The following DNAH11 variants were observed in gnomAD, a reference collection of about 807,000 sequenced individuals.
DNAH11 encodes dynein axonemal heavy chain 11.
Under a neutral mutation model 526.0 loss-of-function variants are expected in DNAH11, and 442 were observed. The observed-to-expected ratio is 0.84, with a 90% CI of 0.78 to 0.91. The LOEUF is 0.91. Among genes scored for constraint, DNAH11 ranks in the 40% least tolerant of loss-of-function variants. The probability of loss-of-function intolerance (pLI) is 0.00; values close to 1 mark genes in which losing one functional copy is unlikely to be tolerated. For missense variants in DNAH11, 6,989 were observed against 5,448.7 expected (o/e 1.28, Z -8.90); for synonymous variants, 2,461 against 1,935.9 (o/e 1.27, Z -7.12).
chr7:21,680,449 A>G (rs760784867), intron 30 of DNAH11, among the ~76,000 whole-genome samples: 33 of 152,230 alleles, frequency 2.2e-4, no homozygotes, highest in Non-Finnish European at 2.8e-4. Context: ...AACCATACTA[A>G]CAAAATGACC....
At chr7:21,626,418 A>G (rs1428785872) in intron 25 of DNAH11, among the ~76,000 whole-genome samples, 1 of 152,212 alleles carries the variant, frequency 6.6e-6, no homozygotes, top group Non-Finnish European at 1.5e-5. Context: ...TGCAAAAAAC[A>G]TGGAAGTGCA....
At chr7:21,658,754 C>A in intron 29 of DNAH11, 44 bp from the exon 30 acceptor site, 1 of 1,457,962 alleles carries the variant, frequency 6.9e-7, no homozygotes, top group Non-Finnish European at 9.2e-7. Context: ...AATTATCCTT[C>A]CATAGTTAAG....
At chr7:21,657,142 C>T (rs1159200188) in intron 29 of DNAH11, among the ~76,000 whole-genome samples, 1 of 152,074 alleles carries the variant, frequency 6.6e-6, no homozygotes, top group Non-Finnish European at 1.5e-5. Context: ...CCTCTAATTG[C>T]CTTTGTTTTA....
intron 45 of DNAH11, among the ~76,000 whole-genome samples, chr7:21,734,658 C>T (rs1785526403): frequency 1.3e-5 from 2 of 152,062 alleles, no homozygotes; most frequent in Non-Finnish European, 1.5e-5. Context: ...GAGTTTGAGA[C>T]GAGTCTGGGC....
intron 25 of DNAH11, among the ~76,000 whole-genome samples, chr7:21,634,003 A>G (rs1191417898): frequency 2.6e-5 from 4 of 152,264 alleles, no homozygotes; most frequent in Non-Finnish European, 4.4e-5. Context: ...CACATGATAC[A>G]TGGTCTTGAA....
chr7:21,706,736 G>A lies in DNAH11; in HGVS notation c.6547-963G>A, dbSNP rs764374746. 5.9e-5 allele frequency among the ~76,000 whole-genome samples: 9 copies of A among 152,160 alleles called. No individual in the cohort carries two copies. Among genetic ancestry groups the A allele is most frequent in the Non-Finnish European group, 1.3e-4 (9 of 68,038 alleles). ...GAGATACCCGGAACACTGCAGCTCA[G>A]GGTGACGTTCTTTAGCATCTTATCA... is the stretch of plus-strand genomic sequence containing the variant. On this transcript the variant is annotated intron_variant, in intron 39 of 81. Coordinates refer to ENST00000409508, the MANE Select transcript of DNAH11 (RefSeq NM_001277115.2).
chr7:21,570,031 C>T (rs964799115), intron 6 of DNAH11, 38 bp from the exon 7 acceptor site: 2 of 1,454,284 alleles, frequency 1.4e-6, no homozygotes, highest in African/African-American at 2.9e-5. Context: ...AACTGTTAAA[C>T]ATAGTTTTGA....
rs769226960 is a variant in DNAH11 at position 21,687,221 on chromosome 7, A to C, written c.5744A>C (p.Tyr1915Ser). ...GGACGTGCCCTTGGCATGATGGTCTATGTATTCAACTGTTCAGAGCAAATG... is the reference window on the plus strand; with the variant it reads ...GGACGTGCCCTTGGCATGATGGTCTCTGTATTCAACTGTTCAGAGCAAATG... ...DLGRALGMMV[Y>S]VFNCSEQMDY... is the part of the protein sequence containing the mutation. Residue 1915 changes from tyrosine to serine, a missense_variant, in exon 33 of 82, where the codon TAT becomes TCT. Tyr to Ser is a moderately radical substitution (Grantham distance 144). Transcript: ENST00000409508. 6.2e-7 allele frequency: 1 copy of C among 1,605,326 alleles called. No individual in the cohort carries two copies. The highest frequency in any genetic ancestry group is 8.5e-7 in the Non-Finnish European group (1 of 1,176,312).
chr7:21,746,536 G>A (rs772583746), intron 51 of DNAH11, among the ~76,000 whole-genome samples: 11 of 152,042 alleles, frequency 7.2e-5, no homozygotes, highest in African/African-American at 1.9e-4. Flanking sequence ...CCAGGAGTTC[G>A]AGGTTGCAGT....
chr7:21,715,542 A>G (rs534725571), intron 42 of DNAH11, among the ~76,000 whole-genome samples: 103 of 152,230 alleles, frequency 6.8e-4, no homozygotes, highest in Admixed American at 4.6e-4. Flanking sequence ...TTAGTATGCC[A>G]TTTTCAATTG....
chr7:21,892,752 A>T, intron 77 of DNAH11, 85 bp downstream of exon 77: 1 of 1,427,228 alleles, frequency 7.0e-7, no homozygotes, highest in Non-Finnish European at 9.3e-7. Context: ...GTGCAAATCA[A>T]TAAGTTTTTA....
At chr7:21,564,611 G>C (rs981336669) in intron 6 of DNAH11, among the ~76,000 whole-genome samples, 1 of 152,168 alleles carries the variant, frequency 6.6e-6, no homozygotes, top group Admixed American at 6.5e-5. Flanking sequence ...AGGACAAGTT[G>C]TTGCTTGGTT....
intron 2 of DNAH11, among the ~76,000 whole-genome samples, chr7:21,549,300 A>G (rs530045822): frequency 6.6e-6 from 1 of 152,294 alleles, no homozygotes; most frequent in African/African-American, 2.4e-5. Flanking sequence ...CTGTGCCTGA[A>G]GTTGTTCCAC....
At position 21,631,452 on chromosome 7, in the gene DNAH11, C is replaced by T. The variant is rs772542573; in HGVS notation, c.4501-4419C>T. 2.0e-5 allele frequency among the ~76,000 whole-genome samples: 3 copies of T among 152,202 alleles called. 1 individual carries two copies. The highest frequency in any genetic ancestry group is 2.1e-4 in the South Asian group (1 of 4,832). The stretch of plus-strand genomic sequence containing the variant: ...AAGTCTCATCTGAGACAAGGCAAGT[C>T]CCTTCCACATATGAGCCTGTAAAAT... On this transcript the variant is annotated intron_variant, in intron 25 of 81. Transcript: ENST00000409508.
In DNAH11 at chr7:21,619,997, T is replaced by G. The variant is rs1583535522; in HGVS notation, c.4419T>G (p.Phe1473Leu). The G allele has an allele frequency of 6.2e-7, 1 of 1,608,160 alleles. No individual in the cohort carries two copies. The highest frequency in any genetic ancestry group is 8.5e-7 in the Non-Finnish European group (1 of 1,178,118). Residue 1473 changes from phenylalanine to leucine, a missense_variant, in exon 25 of 82, where the codon TTT becomes TTG. Coordinates refer to ENST00000409508, the MANE Select transcript of DNAH11 (RefSeq NM_001277115.2). ...GTCAGACCTGGGCAACCATGAAGTT[T>G]TCTTACGAAGTTCACTATCGAACAG... is the stretch of plus-strand genomic sequence containing the variant. Reference protein sequence around the residue: ...EISQTWATMKFSYEVHYRTGI... With the variant: ...EISQTWATMKLSYEVHYRTGI...
At chr7:21,796,906 A>AT (rs200017728) in intron 61 of DNAH11, among the ~76,000 whole-genome samples, 1,636 of 152,010 alleles carry the variant, frequency 0.011, 42 homozygotes, top group African/African-American at 0.035. Flanking sequence ...TTTTTATTTT[A>AT]TTTTTTTTAC....
At chr7:21,785,407 C>G (rs770616799) in intron 58 of DNAH11, among the ~76,000 whole-genome samples, 2 of 152,126 alleles carry the variant, frequency 1.3e-5, no homozygotes, top group Non-Finnish European at 2.9e-5. Flanking sequence ...ATTCAAATAG[C>G]CTGCTGCCGT....
chr7:21,718,319 A>G (rs964299131), intron 43 of DNAH11, among the ~76,000 whole-genome samples: 2 of 151,960 alleles, frequency 1.3e-5, no homozygotes, highest in African/African-American at 2.4e-5. Context: ...AGCTTTATTT[A>G]TTTTTCTGGT....
rs1197919258 is a variant in DNAH11 at position 21,588,530 on chromosome 7, G to A, written c.1867G>A (p.Val623Ile). ...HMKQIECGHV[V>I]LNKNMPFTSG... ...CTTGCAGATTGAATGTGGTCATGTA[G>A]TTCTTAACAAGAACATGCCATTTAC... The change falls in exon 11 of 82, where the codon GTT (valine) becomes ATT (isoleucine). Residue 623 changes from valine to isoleucine, a missense_variant. Physicochemically the swap from Val to Ile is conservative, Grantham distance 29 (BLOSUM62 3). Coordinates refer to ENST00000409508, the MANE Select transcript of DNAH11 (RefSeq NM_001277115.2). The A allele has an allele frequency of 1.2e-6, 2 of 1,613,684 alleles. No individual in the cohort carries two copies. Among genetic ancestry groups the A allele is most frequent in the South Asian group, 1.1e-5 (1 of 91,058 alleles).
Sources: allele counts gnomAD v4.1 joint callset (sites outside exome capture counted in the v4.1 genomes callset), GRCh38; gene constraint gnomAD v4.1.1; transcripts MANE v1.5; gene names NCBI Gene and HGNC (gene_info 2026-07-23, HGNC 2026-07-21).